Variants in CCSER1 observed in about 807,000 individuals in gnomAD.
CCSER1 encodes the protein coiled-coil serine rich protein 1, also known as serine-rich coiled-coil domain-containing protein 1.
In CCSER1, 41 loss-of-function variants were observed where a neutral mutation model predicts 82.0. The observed-to-expected ratio is 0.50, with a 90% CI of 0.39 to 0.65. The LOEUF (loss-of-function observed/expected upper bound fraction) is 0.65. CCSER1 is among the 30% of genes least tolerant of loss of function. CCSER1 has a pLI of 0.00. For missense variants in CCSER1, 1,119 were observed against 1,064.2 expected (o/e 1.05, Z -0.72); for synonymous variants, 414 against 383.9 (o/e 1.08, Z -0.92).
In CCSER1 at chr4:91,097,991, A is replaced by G. The variant is rs1051351524; in HGVS notation, c.2217+11997A>G. Among the ~76,000 whole-genome samples the G allele has an allele frequency of 2.6e-5, 4 of 152,194 alleles. No individual in the cohort carries two copies. The East Asian group carries it at 7.7e-4, about 29-fold the overall frequency. On this transcript the variant is annotated intron_variant, in intron 10 of 10. Coordinates refer to ENST00000509176, the MANE Select transcript of CCSER1 (RefSeq NM_001145065.2). ...GAAAACCATAAATAGGAAATTACTG[A>G]TGATACAAACCTCAGAGACTTAAAG...
intron 10 of CCSER1, among the ~76,000 whole-genome samples, chr4:91,213,111 G>C (rs1283885208): frequency 1.7e-5 from 2 of 117,118 alleles, no homozygotes; most frequent in African/African-American, 2.7e-5. Flanking sequence ...TGGCATATAC[G>C]CACCACTTTT....
intron 1 of CCSER1, among the ~76,000 whole-genome samples, chr4:90,224,808 G>A (rs1397998832): frequency 2.6e-5 from 4 of 152,078 alleles, no homozygotes; most frequent in African/African-American, 9.7e-5. Context: ...TACTGTAAGG[G>A]CTCCATAAAG....
chr4:90,690,226 A>G (rs570176732), intron 6 of CCSER1, among the ~76,000 whole-genome samples: 1 of 152,224 alleles, frequency 6.6e-6, no homozygotes, highest in East Asian at 1.9e-4. Flanking sequence ...TGAAGGCACA[A>G]TACTCAGAAA....
At chr4:91,100,057 C>T (rs1478653546) in intron 10 of CCSER1, among the ~76,000 whole-genome samples, 10 of 152,132 alleles carry the variant, frequency 6.6e-5, no homozygotes, top group Admixed American at 6.5e-4. Context: ...TCTTCCTTGT[C>T]TTGTAATGTT....
chr4:91,239,045 C>T (rs1022199812), intron 10 of CCSER1, among the ~76,000 whole-genome samples: 16 of 151,850 alleles, frequency 1.1e-4, no homozygotes, highest in African/African-American at 2.7e-4. Context: ...AGGATGGTCT[C>T]GATCTTCTGA....
At chr4:90,663,635 T>G (rs1731205418) in intron 6 of CCSER1, among the ~76,000 whole-genome samples, 1 of 152,290 alleles carries the variant, frequency 6.6e-6, no homozygotes, top group African/African-American at 2.4e-5. Flanking sequence ...CAGGTGCGAC[T>G]ACCACACCCA....
intron 4 of CCSER1, among the ~76,000 whole-genome samples, chr4:90,452,207 T>C (rs187202642): frequency 1.2e-3 from 185 of 151,920 alleles, no homozygotes; most frequent in Non-Finnish European, 2.3e-3. Flanking sequence ...TCTAAGGGGG[T>C]TTTTTTGAGG....
At chr4:90,520,813 C>G (rs1043671289) in intron 5 of CCSER1, among the ~76,000 whole-genome samples, 1 of 152,026 alleles carries the variant, frequency 6.6e-6, no homozygotes, top group Non-Finnish European at 1.5e-5. Flanking sequence ...GTGGCATGTC[C>G]CAGGGACTCA....
chr4:90,302,389 C>A (rs188355053), intron 1 of CCSER1, among the ~76,000 whole-genome samples: 55 of 152,156 alleles, frequency 3.6e-4, no homozygotes, highest in African/African-American at 1.3e-3. Flanking sequence ...TCAGGGATGG[C>A]AACTTGGAAG....
At chr4:91,003,145 G>T (rs1165625506) in intron 9 of CCSER1, among the ~76,000 whole-genome samples, 1 of 152,186 alleles carries the variant, frequency 6.6e-6, no homozygotes, top group African/African-American at 2.4e-5. Context: ...TGCTCTGGTG[G>T]AGGTGGCAGG....
At chr4:91,422,946 T>C (rs1044508450) in intron 10 of CCSER1, among the ~76,000 whole-genome samples, 1 of 152,090 alleles carries the variant, frequency 6.6e-6, no homozygotes, top group African/African-American at 2.4e-5. Context: ...GATTTTCAAA[T>C]TAATAAATAT....
intron 10 of CCSER1, among the ~76,000 whole-genome samples, chr4:91,380,930 A>G (rs1750839677): frequency 1.3e-5 from 2 of 152,168 alleles, no homozygotes; most frequent in Non-Finnish European, 2.9e-5. Flanking sequence ...GAGCTCTTAT[A>G]GGACAGGCCT....
chr4:90,644,405 G>A (rs1009593606), intron 6 of CCSER1, among the ~76,000 whole-genome samples: 1 of 152,132 alleles, frequency 6.6e-6, no homozygotes, highest in Non-Finnish European at 1.5e-5. Context: ...TCAAAAAGTT[G>A]TAGATTTTAG....
At chr4:91,408,222 A>T (rs1486580705) in intron 10 of CCSER1, among the ~76,000 whole-genome samples, 1 of 152,228 alleles carries the variant, frequency 6.6e-6, no homozygotes, top group Non-Finnish European at 1.5e-5. Context: ...TCACTTCCTC[A>T]TTCTTCTGAC....
chr4:90,885,294 G>C (rs1359860256), intron 8 of CCSER1, among the ~76,000 whole-genome samples: 5 of 152,052 alleles, frequency 3.3e-5, no homozygotes, highest in African/African-American at 1.2e-4. Flanking sequence ...GAAAGAAAAA[G>C]GAAGGAAAAT....
intron 10 of CCSER1, among the ~76,000 whole-genome samples, chr4:91,528,189 G>T (rs1760859008): frequency 6.6e-6 from 1 of 152,074 alleles, no homozygotes; most frequent in South Asian, 2.1e-4. Flanking sequence ...TCAAAGTGCT[G>T]GGATTACAGG....
chr4:90,513,152 C>T (rs982117688), intron 5 of CCSER1, among the ~76,000 whole-genome samples: 2 of 152,106 alleles, frequency 1.3e-5, no homozygotes, highest in Non-Finnish European at 2.9e-5. Context: ...GTCTACTTAG[C>T]ATGGTTTTAT....
intron 7 of CCSER1, chr4:90,780,360 T>G: frequency 7.2e-7 from 1 of 1,383,248 alleles, no homozygotes; most frequent in Non-Finnish European, 1.0e-6. Flanking sequence ...TTAAGTTTCA[T>G]TGATGATCCC....
chr4:90,711,738 A>C (rs376968249), intron 6 of CCSER1, among the ~76,000 whole-genome samples: 17 of 146,006 alleles, frequency 1.2e-4, no homozygotes, highest in Middle Eastern at 3.5e-3. Flanking sequence ...TTTTTTTGTC[A>C]GTATTTTATT....
Sources: gnomAD v4.1 joint callset for allele counts (sites outside exome capture counted in the v4.1 genomes callset) on GRCh38, gnomAD v4.1.1 for gene constraint, MANE v1.5 for transcripts, NCBI Gene and HGNC (gene_info 2026-07-23, HGNC 2026-07-21) for gene names.